The following KIF24 variants were observed in gnomAD, a reference collection of about 807,000 sequenced individuals.
KIF24 encodes kinesin family member 24, also known as kinesin-like protein KIF24.
A neutral mutation model predicts 118.9 loss-of-function variants in KIF24; 81 were observed. The observed-to-expected ratio is 0.68, with a 90% CI of 0.57 to 0.82. The LOEUF (loss-of-function observed/expected upper bound fraction) is 0.82. Among genes scored for constraint, KIF24 ranks in the 40% least tolerant of loss-of-function variants. The pLI, the probability that KIF24 is intolerant of heterozygous loss-of-function variation, is 0.00. For missense variants in KIF24, 1,560 were observed against 1,661.6 expected (o/e 0.94, Z 1.06); for synonymous variants, 599 against 610.0 (o/e 0.98, Z 0.27).
upstream of KIF24, among the ~76,000 whole-genome samples, chr9:34,331,345 T>C (rs1837930146): frequency 6.6e-6 from 1 of 152,224 alleles, no homozygotes; most frequent in Non-Finnish European, 1.5e-5. Context: ...TCTATATATG[T>C]CATTTATAAA....
chr9:34,267,438 T>C (rs911814793), intron 8 of KIF24, among the ~76,000 whole-genome samples: 1 of 152,108 alleles, frequency 6.6e-6, no homozygotes, highest in Non-Finnish European at 1.5e-5. Context: ...GAACTACCTA[T>C]GAATTGTTTT....
intron 1 of KIF24, among the ~76,000 whole-genome samples, chr9:34,316,309 CCA>C (rs1837326850): frequency 6.6e-6 from 1 of 151,628 alleles, no homozygotes; most frequent in South Asian, 2.1e-4. Flanking sequence ...TCACTGCACT[CCA>C]GTCTGGCAAT....
intron 6 of KIF24, chr9:34,282,383 G>A (rs1272301529): frequency 1.3e-5 from 2 of 152,046 alleles, no homozygotes; most frequent in Non-Finnish European, 2.9e-5. Flanking sequence ...GGAGAAATAG[G>A]GAGTAACTGC....
intron 4 of KIF24, 67 bp downstream of exon 4, chr9:34,296,950 T>C (rs964598743): frequency 4.0e-6 from 3 of 744,944 alleles, no homozygotes; most frequent in Non-Finnish European, 6.7e-6. Context: ...GTGATATTTA[T>C]AAAGAAATAT....
intron 3 of KIF24, among the ~76,000 whole-genome samples, chr9:34,302,713 C>T (rs1353879047): frequency 6.6e-6 from 1 of 151,976 alleles, no homozygotes; most frequent in Non-Finnish European, 1.5e-5. Flanking sequence ...GTGATCTGCC[C>T]CCCTCATCCT....
At chr9:34,301,211 C>G (rs760913245) in intron 3 of KIF24, among the ~76,000 whole-genome samples, 1 of 152,158 alleles carries the variant, frequency 6.6e-6, no homozygotes, top group Non-Finnish European at 1.5e-5. Context: ...GGAGTAACAC[C>G]TACGTTGACC....
In KIF24 at chr9:34,252,825, A is replaced by C. The variant is rs1682672165; in HGVS notation, c.*1555T>G. Reference sequence around the variant, plus strand: ...GGGGATCACCCAGTAAAAGAGGAAGAAGCCCTTTTACTGTGAGCAGCAGGC... The same window carrying C: ...GGGGATCACCCAGTAAAAGAGGAAGCAGCCCTTTTACTGTGAGCAGCAGGC... On this transcript the variant is annotated 3_prime_UTR_variant, in exon 13 of 13. Coordinates refer to ENST00000402558, the MANE Select transcript of KIF24 (RefSeq NM_194313.4). 6.6e-6 allele frequency: 1 copy of C among 152,130 alleles called. No individual in the cohort carries two copies. The highest frequency in any genetic ancestry group is 1.9e-4 in the East Asian group (1 of 5,168). 9.4% of individuals were successfully genotyped at this position (152,130 alleles called of 1,614,324 possible).
At chr9:34,278,991 GC>G (rs1212318115) in intron 6 of KIF24, among the ~76,000 whole-genome samples, 1 of 151,980 alleles carries the variant, frequency 6.6e-6, no homozygotes, top group African/African-American at 2.4e-5. Context: ...TGTGGTCCTA[GC>G]TACTCAAAGG....
At chr9:34,271,491 T>A (rs1413006224) in intron 7 of KIF24, among the ~76,000 whole-genome samples, 1 of 152,178 alleles carries the variant, frequency 6.6e-6, no homozygotes, top group Non-Finnish European at 1.5e-5. Context: ...ATTAATCTTC[T>A]CCCCCTACCT....
At chr9:34,309,370 C>T (rs1004354374) in intron 2 of KIF24, among the ~76,000 whole-genome samples, 2 of 151,562 alleles carry the variant, frequency 1.3e-5, no homozygotes, top group African/African-American at 4.8e-5. Flanking sequence ...TGAAACCCCA[C>T]CTCTACTAAA....
Position 34,252,832 on chromosome 9 carries a change from T to TAG in KIF24, c.*1547_*1548insCT, listed in dbSNP as rs1834652955. The TAG allele has an allele frequency of 6.6e-6, 1 of 152,072 alleles. No individual in the cohort carries two copies. Among genetic ancestry groups the TAG allele is most frequent in the East Asian group, 1.9e-4 (1 of 5,160 alleles). 9.4% of individuals were successfully genotyped at this position (152,072 alleles called of 1,614,324 possible). ...ACCCAGTAAAAGAGGAAGAAGCCCTTTTACTGTGAGCAGCAGGCATTTATG... is the reference window on the plus strand; with the variant it reads ...ACCCAGTAAAAGAGGAAGAAGCCCTTAGTTACTGTGAGCAGCAGGCATTTATG... On this transcript the variant is annotated 3_prime_UTR_variant, in exon 13 of 13. Coordinates refer to ENST00000402558, the MANE Select transcript of KIF24 (RefSeq NM_194313.4).
At chr9:34,276,968 C>G (rs1835680253) in intron 6 of KIF24, among the ~76,000 whole-genome samples, 1 of 152,228 alleles carries the variant, frequency 6.6e-6, no homozygotes, top group African/African-American at 2.4e-5. Context: ...CTTTCTGGCC[C>G]TGGCTTCTCC....
In KIF24 at chr9:34,271,891, T is replaced by TG. The variant is rs770502074; in HGVS notation, c.1254dup (p.Thr419HisfsTer4). 157 of 1,607,426 alleles carry TG rather than the reference T, an allele frequency of 9.8e-5. No homozygotes were observed. Among genetic ancestry groups the TG allele is most frequent in the Non-Finnish European group, 1.2e-4 (147 of 1,176,720 alleles). On this transcript the variant is annotated frameshift_variant, in exon 7 of 13. Coordinates refer to ENST00000402558, the MANE Select transcript of KIF24 (RefSeq NM_194313.4). LOFTEE classifies it high-confidence loss of function. ...CGGGAGGAGTCTGCATTAACTCCAGTGGCCCCAGTGCTGCGCTCCTTGCTG... is the reference window on the plus strand; with the variant it reads ...CGGGAGGAGTCTGCATTAACTCCAGTGGGCCCCAGTGCTGCGCTCCTTGCTG...
chr9:34,278,542 A>C (rs1835737374), intron 6 of KIF24, among the ~76,000 whole-genome samples: 1 of 151,874 alleles, frequency 6.6e-6, no homozygotes, highest in Admixed American at 6.6e-5. Flanking sequence ...AGAGATCAAC[A>C]TGAAATATCA....
At chr9:34,306,674 C>T (rs897174201) in intron 2 of KIF24, among the ~76,000 whole-genome samples, 4 of 152,048 alleles carry the variant, frequency 2.6e-5, no homozygotes, top group East Asian at 1.9e-4. Flanking sequence ...TAGTGGCGTG[C>T]GCCTGTAATC....
intron 11 of KIF24, 68 bp downstream of exon 11, chr9:34,255,667 A>G (rs1422700032): frequency 8.7e-6 from 12 of 1,385,654 alleles, no homozygotes; most frequent in Middle Eastern, 2.1e-4. Flanking sequence ...GTCCATGACA[A>G]AACAGTAAGC....
intron 5 of KIF24, among the ~76,000 whole-genome samples, chr9:34,289,413 T>C (rs1035145286): frequency 2.6e-5 from 4 of 152,146 alleles, no homozygotes; most frequent in African/African-American, 9.7e-5. Context: ...GCTGATTAGG[T>C]TTCCCTAGTC....
At position 34,257,866 on chromosome 9, in the gene KIF24, C is replaced by G. The variant is rs554849744; in HGVS notation, c.1741G>C (p.Asp581His). The change falls in exon 11 of 13, where the codon GAC (aspartate) becomes CAC (histidine). Residue 581 changes from aspartate (D) to histidine (H), a missense_variant. Physicochemically the swap from Asp to His is moderately conservative, Grantham distance 81. Around this residue, in one of 3 missense-constraint regions of KIF24, gnomAD observed 964 missense variants for 988.0 expected, o/e 0.98. Transcript: ENST00000402558. ...TTGACTTTTTTGGGAGAACATTTGTCCTCTGACAAAGCCCCAGGGGAGCTC... is the reference window on the plus strand; with the variant it reads ...TTGACTTTTTTGGGAGAACATTTGTGCTCTGACAAAGCCCCAGGGGAGCTC... ...IQSSPGALSE[D>H]KCSPKKVKLG... The G allele has an allele frequency of 3.7e-6, 6 of 1,614,016 alleles. No individual in the cohort carries two copies. In the East Asian group the frequency reaches 8.9e-5, roughly 24 times the overall value.
chr9:34,333,636 G>C, upstream of KIF24, among the ~76,000 whole-genome samples: 1 of 74,608 alleles, frequency 1.3e-5, no homozygotes, highest in Non-Finnish European at 2.3e-5. Context: ...GACACAGAGA[G>C]ACATTGTCAA....
Sources: allele counts gnomAD v4.1 joint callset (sites outside exome capture counted in the v4.1 genomes callset), GRCh38; gene constraint gnomAD v4.1.1; regional missense constraint gnomAD v4.1.1; transcripts MANE v1.5; gene names NCBI Gene and HGNC (gene_info 2026-07-23, HGNC 2026-07-21).